Variants in RAP1GAP2 observed in about 807,000 individuals in gnomAD.
RAP1GAP2 encodes rap1 GTPase-activating protein 2.
RAP1GAP2 carries 27 observed loss-of-function variants against 95.0 expected under a neutral mutation model. That is an observed-to-expected ratio of 0.28 (90% confidence interval 0.21 to 0.39). The LOEUF is 0.39. RAP1GAP2 is among the 10% of genes least tolerant of loss of function. RAP1GAP2 has a pLI of 1.00. For synonymous variants in RAP1GAP2, 373 were observed against 380.9 expected (o/e 0.98, Z 0.24); for missense variants, 771 against 970.0 (o/e 0.79, Z 2.72).
At chr17:3,028,565 GGGAT>G (rs2047197934) in intron 22 of RAP1GAP2, among the ~76,000 whole-genome samples, 1 of 152,186 alleles carries the variant, frequency 6.6e-6, no homozygotes. Context: ...ACACAGCGAA[GGGAT>G]GTTGCAAAGG....
chr17:2,857,974 C>T lies in RAP1GAP2; in HGVS notation c.81-47310C>T, dbSNP rs146444667. ...AAGTAGCTGGGTGTGGTGGCGTGCA[C>T]CTGTAATCCCAGCTATTCAGGAGGC... On this transcript the variant is annotated intron_variant, in intron 2 of 24. Coordinates refer to ENST00000254695, the MANE Select transcript of RAP1GAP2 (RefSeq NM_015085.5). The surrounding 1 kb of genome is among the most constrained non-coding windows in gnomAD (Gnocchi z 4.0). Among the ~76,000 whole-genome samples the T allele has an allele frequency of 7.9e-3, 1,198 of 152,236 alleles. 4 individuals are homozygous for T. The highest frequency in any genetic ancestry group is 0.01 in the Middle Eastern group (3 of 294).
chr17:2,982,003 G>A (rs901992276), intron 10 of RAP1GAP2, among the ~76,000 whole-genome samples: 5 of 152,314 alleles, frequency 3.3e-5, no homozygotes, highest in South Asian at 2.1e-4. Flanking sequence ...CGTGGGTCAC[G>A]CTGCAGCGGC....
At position 2,825,016 on chromosome 17, in the gene RAP1GAP2, C is replaced by T. The variant is rs2070486936; in HGVS notation, c.80+24466C>T. Reference sequence around the variant, plus strand: ...CTGGAGTGCAGTGGCATAATTGTGGCTCACTGCAGCCTTGAACTCATGGCA... The same window carrying T: ...CTGGAGTGCAGTGGCATAATTGTGGTTCACTGCAGCCTTGAACTCATGGCA... On this transcript the variant is annotated intron_variant, in intron 2 of 24. Transcript: ENST00000254695. This position sits in a 1 kb window ranked among gnomAD's most constrained non-coding sequence, Gnocchi z 4.1. Among the ~76,000 whole-genome samples the T allele has an allele frequency of 6.6e-6, 1 of 152,146 alleles. No homozygotes were observed. The highest frequency in any genetic ancestry group is 6.6e-5 in the Admixed American group (1 of 15,254).
intron 2 of RAP1GAP2, among the ~76,000 whole-genome samples, chr17:2,849,142 C>G (rs562089072): frequency 1.3e-5 from 2 of 152,320 alleles, no homozygotes; most frequent in East Asian, 3.9e-4. Context: ...CTGTTTATAA[C>G]CCTTGCGTTG....
chr17:3,013,283 G>T (rs1006221794), intron 17 of RAP1GAP2, among the ~76,000 whole-genome samples: 1 of 152,224 alleles, frequency 6.6e-6, no homozygotes, highest in Non-Finnish European at 1.5e-5. Context: ...GCAGGGCCCC[G>T]CCAAGAATCC....
chr17:2,872,105 T>C (rs554982655), intron 2 of RAP1GAP2, among the ~76,000 whole-genome samples: 1 of 149,932 alleles, frequency 6.7e-6, no homozygotes, highest in African/African-American at 2.5e-5. Flanking sequence ...TCCCAGCTAC[T>C]CGGGAGGCTG....
Position 3,029,367 on chromosome 17 carries a change from A to C in RAP1GAP2, c.2108-1555A>C, listed in dbSNP as rs1013244573. Among the ~76,000 whole-genome samples, 1 of 152,030 alleles carries C rather than the reference A, an allele frequency of 6.6e-6. No individual in the cohort carries two copies. The highest frequency in any genetic ancestry group is 6.5e-5 in the Admixed American group (1 of 15,270). On this transcript the variant is annotated intron_variant, in intron 22 of 24. Coordinates refer to ENST00000254695, the MANE Select transcript of RAP1GAP2 (RefSeq NM_015085.5). The surrounding 1 kb of genome is among the most constrained non-coding windows in gnomAD (Gnocchi z 4.4). Reference sequence around the variant, plus strand: ...CCTCTTACACACCTTTTCTCCACACAGTATTTAACCCCGATGGGCTGCTTT... The same window carrying C: ...CCTCTTACACACCTTTTCTCCACACCGTATTTAACCCCGATGGGCTGCTTT...
chr17:3,009,039 G>A (rs951220198), intron 17 of RAP1GAP2, among the ~76,000 whole-genome samples: 7 of 152,160 alleles, frequency 4.6e-5, no homozygotes. Context: ...ACTCCCATCT[G>A]GGGGCATTAT....
chr17:2,824,756 A>G (rs1363650557), intron 2 of RAP1GAP2, among the ~76,000 whole-genome samples: 1 of 151,614 alleles, frequency 6.6e-6, no homozygotes, highest in Non-Finnish European at 1.5e-5. Flanking sequence ...AAAAAAAAAA[A>G]AAAAAAAGAA....
chr17:2,782,175 G>A (rs1392862106), intron 1 of RAP1GAP2, among the ~76,000 whole-genome samples: 3 of 152,114 alleles, frequency 2.0e-5, no homozygotes, highest in Non-Finnish European at 4.4e-5. Flanking sequence ...TCCTTATCCT[G>A]TTTCTCCCTC....
Position 2,845,824 on chromosome 17 carries a change from A to G in RAP1GAP2, c.80+45274A>G, listed in dbSNP as rs1328420284. ...TTTGGTGAGCCGAGGTCGCACCACT[A>G]CACTCTAACCTGGGTGACAGAGTGA... On this transcript the variant is annotated intron_variant, in intron 2 of 24. Transcript: ENST00000254695. Among the ~76,000 whole-genome samples the G allele has an allele frequency of 2.7e-5, 4 of 150,558 alleles. No homozygotes were observed. In the Admixed American group the frequency reaches 2.7e-4, roughly 10 times the overall value.
chr17:2,896,244 G>T lies in RAP1GAP2; in HGVS notation c.81-9040G>T, dbSNP rs144847395. On this transcript the variant is annotated intron_variant, in intron 2 of 24. Coordinates refer to ENST00000254695, the MANE Select transcript of RAP1GAP2 (RefSeq NM_015085.5). ...AGGATGGTTTTCTGCATTTTGCCCGGATCATTTTCTCAGATGCTTGTGAAT... is the reference window on the plus strand; with the variant it reads ...AGGATGGTTTTCTGCATTTTGCCCGTATCATTTTCTCAGATGCTTGTGAAT... Among the ~76,000 whole-genome samples the T allele has an allele frequency of 8.7e-3, 1,326 of 152,228 alleles. 18 individuals are homozygous for T. The highest frequency in any genetic ancestry group is 0.014 in the Non-Finnish European group (959 of 68,026).
chr17:3,000,017 G>A (rs1175133515), intron 14 of RAP1GAP2, among the ~76,000 whole-genome samples: 5 of 151,992 alleles, frequency 3.3e-5, no homozygotes, highest in Admixed American at 1.3e-4. Flanking sequence ...GTGCAGTCTC[G>A]GCTCACTGCA....
chr17:2,768,523 C>A (rs1408372893), intron 1 of RAP1GAP2, among the ~76,000 whole-genome samples: 6 of 151,908 alleles, frequency 3.9e-5, no homozygotes, highest in African/African-American at 1.5e-4. Flanking sequence ...GAAACCCCAT[C>A]TCTACTAAAA....
rs2044436318 is a variant in RAP1GAP2, at chr17:2,963,497, A to G, written c.279+35A>G. The G allele has an allele frequency of 5.0e-6, 8 of 1,613,262 alleles. No individual in the cohort carries two copies. Among genetic ancestry groups the G allele is most frequent in the Non-Finnish European group, 6.8e-6 (8 of 1,179,440 alleles). The stretch of plus-strand genomic sequence containing the variant: ...CTCCCCTCACTCCCACCTGCCCTGC[A>G]GCCTGCTCTGGGTCCCGTCCCTGGG... On this transcript the variant is annotated intron_variant, in intron 6 of 24. Coordinates refer to ENST00000254695, the MANE Select transcript of RAP1GAP2 (RefSeq NM_015085.5). This position sits in a 1 kb window ranked among gnomAD's most constrained non-coding sequence, Gnocchi z 4.8.
At chr17:3,028,518 C>T (rs2047196964) in intron 22 of RAP1GAP2, among the ~76,000 whole-genome samples, 1 of 152,146 alleles carries the variant, frequency 6.6e-6, no homozygotes, top group Non-Finnish European at 1.5e-5. Flanking sequence ...GCCAACAGGC[C>T]TTCAGGGTGG....
chr17:2,813,924 T>C (rs9900847), intron 2 of RAP1GAP2, among the ~76,000 whole-genome samples: 95,102 of 151,426 alleles, frequency 0.63, 30,280 homozygotes, highest in African/African-American at 0.7. Context: ...GATCGCACCA[T>C]TGCACTCTAG....
At chr17:2,886,171 ATTTTT>A (rs564574824) in intron 2 of RAP1GAP2, among the ~76,000 whole-genome samples, 29 of 123,348 alleles carry the variant, frequency 2.4e-4, no homozygotes, top group African/African-American at 4.2e-4. Context: ...GTATATATAT[ATTTTT>A]TTTTTTTTTT....
chr17:2,919,550 G>C (rs751408105), intron 3 of RAP1GAP2, among the ~76,000 whole-genome samples: 1 of 152,070 alleles, frequency 6.6e-6, no homozygotes, highest in Non-Finnish European at 1.5e-5. Flanking sequence ...GGGAACACGG[G>C]AAGTGGGGGC....
Sources: allele counts gnomAD v4.1 joint callset (sites outside exome capture counted in the v4.1 genomes callset), GRCh38; gene constraint gnomAD v4.1.1; non-coding constraint Gnocchi (gnomAD v3.1); transcripts MANE v1.5; gene names NCBI Gene and HGNC (gene_info 2026-07-23, HGNC 2026-07-21).